Variants in NELL2 observed in about 807,000 individuals in gnomAD.
The protein encoded by NELL2 is neural EGFL like 2, also known as protein kinase C-binding protein NELL2.
A neutral mutation model predicts 109.6 loss-of-function variants in NELL2; 41 were observed. That is an observed-to-expected ratio of 0.37 (90% CI 0.29 to 0.49). The LOEUF is 0.49. NELL2 is among the 20% of genes least tolerant of loss of function. NELL2 has a pLI of 0.98. For missense variants in NELL2, 900 were observed against 1,008.3 expected, an observed-to-expected ratio of 0.89 and a Z score of 1.45; for synonymous variants, 355 against 344.7, an observed-to-expected ratio of 1.03 and a Z score of -0.33.
At chr12:44,521,639 G>C (rs1044235960) in intron 18 of NELL2, among the ~76,000 whole-genome samples, 1 of 151,854 alleles carries the variant, frequency 6.6e-6, no homozygotes, top group African/African-American at 2.4e-5. Flanking sequence ...TTGGAAAAAA[G>C]AGTATTTTTT....
At chr12:44,643,939 T>C (rs377086405) in intron 13 of NELL2, among the ~76,000 whole-genome samples, 35 of 152,164 alleles carry the variant, frequency 2.3e-4, no homozygotes, top group Admixed American at 1.3e-3. Flanking sequence ...GAGTTTCTAC[T>C]TGGAACAATA....
At chr12:44,807,461 T>G (rs976657271) in intron 3 of NELL2, among the ~76,000 whole-genome samples, 1 of 151,814 alleles carries the variant, frequency 6.6e-6, no homozygotes, top group Non-Finnish European at 1.5e-5. Context: ...CATCGAGATA[T>G]GATAAGCTTC....
At chr12:44,711,512 C>T (rs1283393258) in intron 10 of NELL2, 118 bp from the exon 11 acceptor site, 12 of 723,954 alleles carry the variant, frequency 1.7e-5, no homozygotes, top group Non-Finnish European at 2.6e-5. Flanking sequence ...TCCTGAGGAC[C>T]TCTGCACAGG....
chr12:44,814,529 CTG>C (rs1421647056), intron 3 of NELL2, among the ~76,000 whole-genome samples: 1 of 152,044 alleles, frequency 6.6e-6, no homozygotes, highest in African/African-American at 2.4e-5. Flanking sequence ...CAAAAACAGA[CTG>C]AAGGGAATAG....
intron 15 of NELL2, among the ~76,000 whole-genome samples, chr12:44,604,774 A>G (rs531277125): frequency 6.6e-6 from 1 of 152,260 alleles, no homozygotes; most frequent in Admixed American, 6.5e-5. Flanking sequence ...AATGGGGAAC[A>G]TGAAAGTTTT....
chr12:44,745,267 C>T (rs1163954727), intron 9 of NELL2, among the ~76,000 whole-genome samples: 1 of 152,126 alleles, frequency 6.6e-6, no homozygotes, highest in Non-Finnish European at 1.5e-5. Flanking sequence ...ATGCTAAAAA[C>T]TCCCAATAAA....
intron 9 of NELL2, among the ~76,000 whole-genome samples, chr12:44,758,177 T>C (rs1940973811): frequency 6.6e-6 from 1 of 152,146 alleles, no homozygotes; most frequent in South Asian, 2.1e-4. Flanking sequence ...ATATGTTTTG[T>C]GTGATAACTA....
At chr12:44,723,213 C>T (rs1421387241) in intron 9 of NELL2, among the ~76,000 whole-genome samples, 1 of 151,950 alleles carries the variant, frequency 6.6e-6, no homozygotes, top group Non-Finnish European at 1.5e-5. Flanking sequence ...ACTCAATGCC[C>T]TATTTGCATG....
At chr12:44,833,743 G>A (rs1943959891) in intron 2 of NELL2, among the ~76,000 whole-genome samples, 1 of 152,092 alleles carries the variant, frequency 6.6e-6, no homozygotes. Flanking sequence ...ACAGCTCTAG[G>A]TAATACCTGA....
chr12:44,647,892 G>T (rs1947151401), intron 13 of NELL2, among the ~76,000 whole-genome samples: 1 of 152,176 alleles, frequency 6.6e-6, no homozygotes, highest in South Asian at 2.1e-4. Flanking sequence ...AATGTTATGA[G>T]ATTAATGACA....
intron 15 of NELL2, among the ~76,000 whole-genome samples, chr12:44,571,368 C>T (rs1230370988): frequency 6.6e-6 from 1 of 152,176 alleles, no homozygotes; most frequent in Non-Finnish European, 1.5e-5. Flanking sequence ...TTAGCCTGCA[C>T]TAATATACTG....
intron 9 of NELL2, among the ~76,000 whole-genome samples, chr12:44,760,149 G>A (rs968426046): frequency 2.6e-5 from 4 of 152,044 alleles, no homozygotes; most frequent in Non-Finnish European, 2.9e-5. Context: ...TAAGCATTCC[G>A]TTTCCATAGC....
rs77226113 is a variant in NELL2, at chr12:44,833,554, T to C, written c.185-17418A>G. ...CTTCTACCCCAATAACTACCAGCAA[T>C]TATAGCCCAAGACAGAGAGAAGGGT... On this transcript the variant is annotated intron_variant, in intron 2 of 19. Coordinates refer to ENST00000429094, the MANE Select transcript of NELL2 (RefSeq NM_001145108.2). Among the ~76,000 whole-genome samples, 2,057 of 152,286 alleles carry C rather than the reference T, an allele frequency of 0.014. 107 individuals carry two copies. The East Asian group carries it at 0.19, about 14-fold the overall frequency.
chr12:44,532,481 AAACACT>A, intron 16 of NELL2, 94 bp downstream of exon 16: 1 of 1,253,122 alleles, frequency 8.0e-7, no homozygotes, highest in Non-Finnish European at 1.1e-6. Context: ...CATATAGTAA[AAACACT>A]AACATTGGCT....
At chr12:44,715,040 T>C (rs1024045699) in intron 9 of NELL2, among the ~76,000 whole-genome samples, 1 of 151,874 alleles carries the variant, frequency 6.6e-6, no homozygotes, top group Admixed American at 6.6e-5. Flanking sequence ...GCCTAATAGA[T>C]GATGTCCCAC....
At position 44,779,834 on chromosome 12, in the gene NELL2, GGACAC is replaced by G; in HGVS notation, c.509+10_509+14del. 6.2e-7 allele frequency: 1 copy of G among 1,613,552 alleles called. No homozygotes were observed. The highest frequency in any genetic ancestry group is 8.5e-7 in the Non-Finnish European group (1 of 1,179,548). On this transcript the variant is annotated intron_variant, in intron 4 of 19. Coordinates refer to ENST00000429094, the MANE Select transcript of NELL2 (RefSeq NM_001145108.2). ...TAGAATCTTCCATTTCCTAAAATGAGGACACTACACTTACTTATTGCAGTCAATGT... is the reference window on the plus strand; with the variant it reads ...TAGAATCTTCCATTTCCTAAAATGAGTACACTTACTTATTGCAGTCAATGT...
chr12:44,593,130 A>G (rs893227005), intron 15 of NELL2, among the ~76,000 whole-genome samples: 1 of 152,236 alleles, frequency 6.6e-6, no homozygotes, highest in African/African-American at 2.4e-5. Context: ...GTCACTGCAT[A>G]GTGCTAAATG....
Position 44,694,845 on chromosome 12 carries a change from G to A in NELL2, c.1318+8881C>T, listed in dbSNP as rs1592350782. ...CTGTAGCTTTCCCTTCATATCTCTT[G>A]GAGCAACTTTGTGAGGCTATCGCTC... On this transcript the variant is annotated intron_variant, in intron 12 of 19. Transcript: ENST00000429094. Among the ~76,000 whole-genome samples the A allele has an allele frequency of 2.2e-5, 3 of 135,104 alleles. No homozygotes were observed. In the South Asian group the frequency reaches 6.6e-4, roughly 30 times the overall value. The allele number at this position is 135,104 out of a possible 152,430, so 88.6% of individuals were successfully genotyped here.
At chr12:44,706,600 A>G (rs890989027) in intron 11 of NELL2, among the ~76,000 whole-genome samples, 1 of 151,812 alleles carries the variant, frequency 6.6e-6, no homozygotes, top group Non-Finnish European at 1.5e-5. Context: ...AAAAATTAGT[A>G]TAATAACTAC....
Sources: gnomAD v4.1 joint callset for allele counts (sites outside exome capture counted in the v4.1 genomes callset) on GRCh38, gnomAD v4.1.1 for gene constraint, MANE v1.5 for transcripts, NCBI Gene and HGNC (gene_info 2026-07-23, HGNC 2026-07-21) for gene names.